Variants in WDR11 observed in about 807,000 individuals in gnomAD.
The protein encoded by WDR11 is WD repeat domain 11, also known as WD repeat-containing protein 11.
WDR11 carries 83 observed loss-of-function variants against 151.2 expected under a neutral mutation model. The observed-to-expected ratio is 0.55, with a 90% CI of 0.46 to 0.66. WDR11 has a LOEUF of 0.66. Ranked by LOEUF, WDR11 falls within the 30% of genes least tolerant of loss-of-function variation. WDR11 has a pLI of 0.00. For missense variants in WDR11, 1,301 were observed against 1,480.9 expected, an observed-to-expected ratio of 0.88 and a Z score of 1.99; for synonymous variants, 484 against 533.1, an observed-to-expected ratio of 0.91 and a Z score of 1.27.
chr10:120,865,511 T>C, intron 6 of WDR11, 119 bp from the exon 7 acceptor site: 1 of 747,436 alleles, frequency 1.3e-6, no homozygotes, highest in Non-Finnish European at 2.2e-6. Context: ...TTTTAAAGTT[T>C]GGGATTTGTC....
rs1846329265 is a variant in WDR11 at position 120,866,782 on chromosome 10, A to C, written c.1190+18A>C. Reference sequence around the variant, plus strand: ...CGGAACAGGTAAATGAATCAACAGGATCATGGTTTTGTTTTTTGTTTCCTG... The same window carrying C: ...CGGAACAGGTAAATGAATCAACAGGCTCATGGTTTTGTTTTTTGTTTCCTG... On this transcript the variant is annotated intron_variant, in intron 8 of 28. Transcript: ENST00000263461. 10 of 1,613,766 alleles carry C rather than the reference A, an allele frequency of 6.2e-6. No homozygotes were observed. In the East Asian group the frequency reaches 2.2e-4, roughly 36 times the overall value.
intron 22 of WDR11, among the ~76,000 whole-genome samples, chr10:120,902,640 G>T (rs1451922986): frequency 7.0e-6 from 1 of 142,172 alleles, no homozygotes; most frequent in African/African-American, 3.1e-5. Context: ...TCTATATCCT[G>T]ACTTACAGTA....
rs748771782 is a variant in WDR11 at position 120,883,940 on chromosome 10, G to A, written c.1848+52G>A. The A allele has an allele frequency of 3.4e-6, 5 of 1,466,870 alleles. No homozygotes were observed. In the African/African-American group the frequency reaches 4.2e-5, roughly 12 times the overall value. The allele number at this position is 1,466,870 out of a possible 1,614,324, so 90.9% of individuals were successfully genotyped here. On this transcript the variant is annotated intron_variant, in intron 14 of 28. Transcript: ENST00000263461. Reference sequence around the variant, plus strand: ...GCTTATTTAGGTATATATGTATGTGGTGAATGTTTTGCTTAAGCTTGAATC... The same window carrying A: ...GCTTATTTAGGTATATATGTATGTGATGAATGTTTTGCTTAAGCTTGAATC...
At chr10:120,895,171 C>A (rs989701585) in intron 19 of WDR11, among the ~76,000 whole-genome samples, 1 of 152,158 alleles carries the variant, frequency 6.6e-6, no homozygotes, top group Non-Finnish European at 1.5e-5. Flanking sequence ...TGAGAACTTT[C>A]CCTGAACCAT....
At position 120,900,806 on chromosome 10, in the gene WDR11, G is replaced by A. The variant is rs567545850; in HGVS notation, c.2625-230G>A. Among the ~76,000 whole-genome samples the A allele has an allele frequency of 3.9e-5, 6 of 152,262 alleles. No homozygotes were observed. The South Asian group carries it at 1.2e-3, about 32-fold the overall frequency. ...ATTTCCTGGTTTCTTGAAAGCCAAG[G>A]AGACTTTCTTTACTCATTTTCTTGT... is the stretch of plus-strand genomic sequence containing the variant. On this transcript the variant is annotated intron_variant, in intron 20 of 28. Coordinates refer to ENST00000263461, the MANE Select transcript of WDR11 (RefSeq NM_018117.12).
intron 19 of WDR11, among the ~76,000 whole-genome samples, chr10:120,895,960 C>T (rs11199632): frequency 0.013 from 1,998 of 152,196 alleles, 17 homozygotes; most frequent in Non-Finnish European, 0.018. Context: ...GCAATCCCAG[C>T]GCTAAGAATT....
In WDR11 at chr10:120,906,507, A is replaced by G. The variant is rs536306194; in HGVS notation, c.3438-269A>G. On this transcript the variant is annotated intron_variant, in intron 27 of 28. Transcript: ENST00000263461. ...ACTTGTCAACTCTGGACAGGGGTAC[A>G]TGGGCACTTGTCATATCTCTGTAGA... The G allele has an allele frequency of 7.6e-5, 101 of 1,335,074 alleles. No homozygotes were observed. The African/African-American group carries it at 1.3e-3, about 18-fold the overall frequency. The allele number at this position is 1,335,074 out of a possible 1,614,324, so 82.7% of individuals were successfully genotyped here.
intron 28 of WDR11, 191 bp from the exon 29 acceptor site, chr10:120,908,365 C>A: frequency 1.6e-6 from 1 of 636,212 alleles, no homozygotes; most frequent in Non-Finnish European, 2.8e-6. Context: ...GAGACATGGC[C>A]TACTATGGCC....
At chr10:120,868,080 T>A (rs1437987471) in intron 9 of WDR11, among the ~76,000 whole-genome samples, 1 of 152,224 alleles carries the variant, frequency 6.6e-6, no homozygotes, top group Non-Finnish European at 1.5e-5. Flanking sequence ...TATTATTTAT[T>A]CTACCATAAT....
chr10:120,878,535 ACTT>A (rs1441815009), intron 12 of WDR11, 76 bp downstream of exon 12: 1 of 1,219,096 alleles, frequency 8.2e-7, no homozygotes, highest in African/African-American at 1.5e-5. Flanking sequence ...GTTTGAAAGT[ACTT>A]CTTTCACCTT....
At chr10:120,898,765 AT>A (rs1288463473) in intron 19 of WDR11, among the ~76,000 whole-genome samples, 1 of 151,848 alleles carries the variant, frequency 6.6e-6, no homozygotes, top group African/African-American at 2.4e-5. Flanking sequence ...ACCTTCTGCC[AT>A]GATTGTAAGT....
In WDR11 at chr10:120,903,043, C is replaced by T. The variant is rs973457170; in HGVS notation, c.2754-12C>T. On this transcript the variant is annotated splice_polypyrimidine_tract_variant and intron_variant, in intron 22 of 28. Transcript: ENST00000263461. ...GCTGAGTGCAGTCAAAACTTTGCTT[C>T]ATCCTTGCCAGGCTCTATGGTGATG... The T allele has an allele frequency of 6.2e-7, 1 of 1,613,582 alleles. No individual in the cohort carries two copies.
intron 2 of WDR11, among the ~76,000 whole-genome samples, chr10:120,857,524 A>G (rs749462875): frequency 3.5e-5 from 5 of 142,000 alleles, no homozygotes; most frequent in Non-Finnish European, 7.7e-5. Context: ...ATATGCATAC[A>G]CACATACATA....
chr10:120,854,853 TATA>T (rs1435748991), intron 2 of WDR11, among the ~76,000 whole-genome samples: 2 of 152,220 alleles, frequency 1.3e-5, no homozygotes, highest in Non-Finnish European at 2.9e-5. Flanking sequence ...TTTATCTTTT[TATA>T]ATTGAGTCGT....
chr10:120,893,922 G>C (rs957325236), intron 19 of WDR11, among the ~76,000 whole-genome samples: 1 of 151,960 alleles, frequency 6.6e-6, no homozygotes, highest in Admixed American at 6.5e-5. Flanking sequence ...TTAGCCCTTC[G>C]TCAGATGAGT....
chr10:120,852,528 T>C lies in WDR11; in HGVS notation c.91T>C (p.Trp31Arg). The change falls in exon 2 of 29, where the codon TGG (tryptophan) becomes CGG (arginine). Residue 31 changes from tryptophan to arginine, a missense_variant. Transcript: ENST00000263461. ...TTAACATTACTGTTTTGCTAGGGGC[T>C]GGCAAGGTTTAATTGCTTATGGATG... ...AHNKAAVDWG[W>R]QGLIAYGCHS... The C allele has an allele frequency of 6.2e-7, 1 of 1,613,982 alleles. No homozygotes were observed. Among genetic ancestry groups the C allele is most frequent in the Non-Finnish European group, 8.5e-7 (1 of 1,179,910 alleles).
At chr10:120,863,722 T>C (rs1846216180) in intron 5 of WDR11, among the ~76,000 whole-genome samples, 1 of 152,216 alleles carries the variant, frequency 6.6e-6, no homozygotes, top group Admixed American at 6.5e-5. Flanking sequence ...ATTTTTAATA[T>C]GCCAAGATTA....
rs1846178604 is a variant in WDR11 at position 120,862,544 on chromosome 10, TCTGATGAATTGTAATGGACCAC to T, written c.527-187_527-166del. The T allele has an allele frequency of 2.3e-5, 14 of 597,218 alleles. No individual in the cohort carries two copies. The East Asian group carries it at 4.0e-4, about 17-fold the overall frequency. The allele number at this position is 597,218 out of a possible 1,614,324, so 37.0% of individuals were successfully genotyped here. A position where few individuals can be genotyped will look rare whatever the true frequency, so the allele number is the denominator to read the frequency against. On this transcript the variant is annotated intron_variant, in intron 4 of 28. Transcript: ENST00000263461. ...ATATAGAATGCCAAGCTTGGAGGCC[TCTGATGAATTGTAATGGACCAC>T]CTGTTTCTCTTCAACTTAGAGAACA...
intron 28 of WDR11, chr10:120,907,236 T>C (rs1385563554): frequency 1.6e-4 from 41 of 262,842 alleles, no homozygotes; most frequent in Non-Finnish European, 1.5e-5. Flanking sequence ...TTTTATATAT[T>C]TATCTAGAAA....
Sources: gnomAD v4.1 joint callset for allele counts (sites outside exome capture counted in the v4.1 genomes callset) on GRCh38, gnomAD v4.1.1 for gene constraint, MANE v1.5 for transcripts, NCBI Gene and HGNC (gene_info 2026-07-23, HGNC 2026-07-21) for gene names.